CDH18: variants seen among roughly 807,000 people sequenced by gnomAD.
CDH18 encodes the protein cadherin 18.
CDH18 carries 31 observed loss-of-function variants against 67.9 expected under a neutral mutation model. The ratio of observed to expected loss-of-function variants is 0.46; its 90% CI spans 0.34 to 0.62. The LOEUF is 0.62. CDH18 is among the 20% of genes least tolerant of loss of function. CDH18 has a pLI of 0.01. For missense variants in CDH18, 890 were observed against 975.5 expected (o/e 0.91, Z 1.17); for synonymous variants, 362 against 347.2 (o/e 1.04, Z -0.48).
chr5:20,547,060 C>G (rs949199618), intron 1 of CDH18, among the ~76,000 whole-genome samples: 2 of 151,854 alleles, frequency 1.3e-5, no homozygotes, highest in South Asian at 2.1e-4. Context: ...AATCAGAAAA[C>G]TAAAACAAGA....
At chr5:20,134,241 G>A (rs1047978991) in intron 2 of CDH18, among the ~76,000 whole-genome samples, 1 of 152,106 alleles carries the variant, frequency 6.6e-6, no homozygotes, top group Non-Finnish European at 1.5e-5. Flanking sequence ...CTCCTAAAGT[G>A]CTGATATTAC....
chr5:20,242,638 A>ATATATATATATG (rs1743069539), intron 2 of CDH18, among the ~76,000 whole-genome samples: 1 of 109,492 alleles, frequency 9.1e-6, no homozygotes, highest in African/African-American at 5.3e-5. Context: ...ATATATGTAT[A>ATATATATATATG]TATATATATA....
chr5:20,075,813 C>A (rs1027074399), intron 2 of CDH18, among the ~76,000 whole-genome samples: 1 of 152,086 alleles, frequency 6.6e-6, no homozygotes, highest in Non-Finnish European at 1.5e-5. Context: ...GGAAAAACTA[C>A]TTTTCATTTT....
chr5:19,984,103 A>C (rs952348390), intron 1 of CDH18, among the ~76,000 whole-genome samples: 2 of 152,098 alleles, frequency 1.3e-5, no homozygotes, highest in Non-Finnish European at 2.9e-5. Flanking sequence ...ACATCCTACA[A>C]AATTAGTTAC....
chr5:19,942,920 T>G (rs1358815342), intron 2 of CDH18, among the ~76,000 whole-genome samples: 1 of 152,110 alleles, frequency 6.6e-6, no homozygotes, highest in Admixed American at 6.6e-5. Flanking sequence ...ACACAGGCCT[T>G]GGAGATGGGA....
chr5:20,536,117 G>A (rs1756699904), intron 1 of CDH18, among the ~76,000 whole-genome samples: 1 of 152,092 alleles, frequency 6.6e-6, no homozygotes, highest in African/African-American at 2.4e-5. Flanking sequence ...GAATCTTTAT[G>A]AGCACAACCT....
At chr5:20,319,695 C>T (rs1366176872) in intron 1 of CDH18, among the ~76,000 whole-genome samples, 1 of 152,150 alleles carries the variant, frequency 6.6e-6, no homozygotes, top group African/African-American at 2.4e-5. Flanking sequence ...CCTCTTTCAG[C>T]TTTCATACCC....
chr5:19,487,830 T>C (rs1740651975), intron 11 of CDH18, among the ~76,000 whole-genome samples: 1 of 152,186 alleles, frequency 6.6e-6, no homozygotes, highest in Non-Finnish European at 1.5e-5. Context: ...TGTGAAATAA[T>C]TGAAATTTCA....
intron 1 of CDH18, among the ~76,000 whole-genome samples, chr5:20,346,491 G>A (rs909913367): frequency 2.0e-5 from 3 of 152,106 alleles, no homozygotes; most frequent in African/African-American, 7.2e-5. Context: ...CATTCAGCCA[G>A]GATGTACAGA....
intron 2 of CDH18, among the ~76,000 whole-genome samples, chr5:20,241,357 T>C (rs1580558814): frequency 6.6e-6 from 1 of 152,058 alleles, no homozygotes; most frequent in Non-Finnish European, 1.5e-5. Context: ...ATTACGCCAG[T>C]CCTAACAGCA....
intron 1 of CDH18, among the ~76,000 whole-genome samples, chr5:20,330,381 G>A (rs1240374273): frequency 6.6e-6 from 1 of 152,106 alleles, no homozygotes; most frequent in African/African-American, 2.4e-5. Context: ...GGACCATCAG[G>A]TGATGGTCAG....
rs182448981 is a variant in CDH18, at chr5:19,828,412, A to C, written c.228+10347T>G. On this transcript the variant is annotated intron_variant, in intron 3 of 12. Transcript: ENST00000382275. ...TACAAAAATCTGTCAGATACACAAC[A>C]AAAACAACAGCAACAACAACAACAA... Among the ~76,000 whole-genome samples, 346 of 151,116 alleles carry C rather than the reference A, an allele frequency of 2.3e-3. 1 individual carries two copies. The highest frequency in any genetic ancestry group is 7.5e-3 in the African/African-American group (308 of 41,118).
chr5:19,652,729 T>C (rs76681040), intron 5 of CDH18, among the ~76,000 whole-genome samples: 7,234 of 152,124 alleles, frequency 0.048, 579 homozygotes, highest in African/African-American at 0.16. Flanking sequence ...TCTGGAGGAA[T>C]TGTGGAGTAC....
At chr5:19,768,171 T>C (rs141467639) in intron 3 of CDH18, among the ~76,000 whole-genome samples, 2 of 152,262 alleles carry the variant, frequency 1.3e-5, no homozygotes, top group African/African-American at 2.4e-5. Context: ...TTTGTTGTTA[T>C]TTGTTCTGAC....
Position 20,408,748 on chromosome 5 carries a change from A to G in CDH18, c.-579-153243T>C, listed in dbSNP as rs894477255. Among the ~76,000 whole-genome samples the G allele has an allele frequency of 4.0e-5, 6 of 151,842 alleles. No individual in the cohort carries two copies. In the East Asian group the frequency reaches 1.2e-3, roughly 29 times the overall value. On this transcript the variant is annotated intron_variant, in intron 1 of 14. Transcript: ENST00000507958. ...AGTAAATTCTTCCCTATCAATAACT[A>G]CTTTAAATGTAAATGTGAAAGACAC...
chr5:20,088,966 C>G (rs576625666), intron 2 of CDH18, among the ~76,000 whole-genome samples: 62 of 152,012 alleles, frequency 4.1e-4, no homozygotes, highest in Non-Finnish European at 7.4e-4. Context: ...AAATTTGGGA[C>G]CCCTCCTGGT....
chr5:20,269,847 G>A (rs944960191), intron 1 of CDH18, among the ~76,000 whole-genome samples: 1 of 151,966 alleles, frequency 6.6e-6, no homozygotes, highest in African/African-American at 2.4e-5. Flanking sequence ...TAACAAAATT[G>A]CACATATACC....
At chr5:20,507,202 C>T (rs1371716475) in intron 1 of CDH18, among the ~76,000 whole-genome samples, 2 of 152,140 alleles carry the variant, frequency 1.3e-5, no homozygotes, top group Non-Finnish European at 2.9e-5. Context: ...ATAACCTATC[C>T]CTAGAAACCA....
At position 20,223,399 on chromosome 5, in the gene CDH18, T is replaced by C. The variant is rs183747204; in HGVS notation, c.-518+32045A>G. Among the ~76,000 whole-genome samples the C allele has an allele frequency of 7.2e-5, 11 of 152,288 alleles. No individual in the cohort carries two copies. The East Asian group carries it at 1.9e-3, about 27-fold the overall frequency. On this transcript the variant is annotated intron_variant, in intron 2 of 14. Coordinates refer to the CDH18 transcript ENST00000507958. ...TGTATCTAGGAAGTAACTAACTTGC[T>C]TTCGATTTTAGGGGCTCATTGTGGA...
Sources: gnomAD v4.1 joint callset for allele counts (sites outside exome capture counted in the v4.1 genomes callset) on GRCh38, gnomAD v4.1.1 for gene constraint, MANE v1.5 for transcripts, NCBI Gene and HGNC (gene_info 2026-07-23, HGNC 2026-07-21) for gene names.